IMPG1: variants seen among roughly 807,000 people sequenced by gnomAD.
IMPG1 encodes the protein interphotoreceptor matrix proteoglycan 1.
IMPG1 carries 85 observed loss-of-function variants against 92.0 expected under a neutral mutation model. The ratio of observed to expected loss-of-function variants is 0.92; its 90% CI spans 0.78 to 1.11. The LOEUF is 1.11. Among genes scored for constraint, IMPG1 ranks in the 50% least tolerant of loss-of-function variants. IMPG1 has a pLI of 0.00. For synonymous variants in IMPG1, 367 were observed against 334.1 expected (o/e 1.10, Z -1.08); for missense variants, 1,022 against 956.0 (o/e 1.07, Z -0.91).
chr6:75,934,492 C>G (rs536043082), intron 14 of IMPG1, among the ~76,000 whole-genome samples: 3 of 152,256 alleles, frequency 2.0e-5, no homozygotes, highest in Admixed American at 6.5e-5. Context: ...AAGTTTGTTT[C>G]CCAGCTCTCC....
At chr6:75,938,836 CAAAACAAAACAAAAA>C (rs1369166970) in intron 14 of IMPG1, among the ~76,000 whole-genome samples, 3 of 150,810 alleles carry the variant, frequency 2.0e-5, no homozygotes, top group African/African-American at 7.4e-5. Context: ...CAAAACAAAA[CAAAACAAAACAAAAA>C]AATACTATAC....
chr6:75,938,855 A>G (rs1297595698), intron 14 of IMPG1, among the ~76,000 whole-genome samples: 2 of 152,186 alleles, frequency 1.3e-5, no homozygotes, highest in Non-Finnish European at 2.9e-5. Flanking sequence ...ACAAAAAAAT[A>G]CTATACTGAC....
At chr6:75,969,490 C>T (rs1387325355) in intron 12 of IMPG1, among the ~76,000 whole-genome samples, 1 of 152,018 alleles carries the variant, frequency 6.6e-6, no homozygotes, top group East Asian at 1.9e-4. Context: ...GCCTGTAATC[C>T]TAGCACTTTG....
rs114825174 is a variant in IMPG1 at position 76,064,070 on chromosome 6, G to C, written c.67+8352C>G. On this transcript the variant is annotated intron_variant, in intron 1 of 16. Transcript: ENST00000369950. Reference sequence around the variant, plus strand: ...TACTCATCTCCCTACCCCACCCACTGTTGTGGATACAGTTGTGGATACAGG... The same window carrying C: ...TACTCATCTCCCTACCCCACCCACTCTTGTGGATACAGTTGTGGATACAGG... Among the ~76,000 whole-genome samples the C allele has an allele frequency of 3.4e-3, 513 of 152,250 alleles. 3 individuals carry two copies. The highest frequency in any genetic ancestry group is 0.012 in the African/African-American group (491 of 41,580).
At chr6:76,037,739 T>A (rs1369411449) in intron 2 of IMPG1, among the ~76,000 whole-genome samples, 2 of 152,240 alleles carry the variant, frequency 1.3e-5, no homozygotes, top group Non-Finnish European at 2.9e-5. Flanking sequence ...AAAACCAGTA[T>A]AAGTGTCAGA....
At position 76,034,781 on chromosome 6, in the gene IMPG1, T is replaced by A. The variant is rs1783709305; in HGVS notation, c.308A>T (p.Gln103Leu). 3.1e-6 allele frequency: 5 copies of A among 1,613,974 alleles called. No homozygotes were observed. The highest frequency in any genetic ancestry group is 4.2e-6 in the Non-Finnish European group (5 of 1,179,914). ...LQAYYRLRVC[Q>L]EAVWEAYRIF... ...CCGATATGCTTCCCATACTGCTTCCTGACACACTGTAATACAGAGTCATTA... is the reference window on the plus strand; with the variant it reads ...CCGATATGCTTCCCATACTGCTTCCAGACACACTGTAATACAGAGTCATTA... Residue 103 changes from glutamine (Q) to leucine (L), a missense_variant, in exon 3 of 17, where the codon CAG becomes CTG. By Grantham distance (113) the Gln-to-Leu change is moderately radical (BLOSUM62 -2). Around this residue, in one of 3 missense-constraint regions of IMPG1, gnomAD observed 681 missense variants for 583.6 expected, o/e 1.17. Transcript: ENST00000369950.
Position 75,973,292 on chromosome 6 carries a change from T to TCC in IMPG1, c.1292-22200_1292-22199dup, listed in dbSNP as rs60771106. Among the ~76,000 whole-genome samples the TCC allele has an allele frequency of 6.4e-4, 96 of 151,020 alleles. 1 individual carries two copies. Among genetic ancestry groups the TCC allele is most frequent in the East Asian group, 2.1e-3 (11 of 5,118 alleles). On this transcript the variant is annotated intron_variant, in intron 12 of 16. Coordinates refer to ENST00000369950, the MANE Select transcript of IMPG1 (RefSeq NM_001563.4). ...ACTGTGCCTGGCTGCAATCCTACTT[T>TCC]CCCCCCCGCCCAAAACTGATCTTTC...
chr6:75,995,657 T>C (rs959720798), intron 12 of IMPG1, among the ~76,000 whole-genome samples: 5 of 152,274 alleles, frequency 3.3e-5, no homozygotes, highest in Non-Finnish European at 5.9e-5. Flanking sequence ...ACATATCCTC[T>C]GTATCAGCAA....
chr6:76,059,693 C>T (rs1232733832), intron 1 of IMPG1, among the ~76,000 whole-genome samples: 1 of 152,082 alleles, frequency 6.6e-6, no homozygotes, highest in Non-Finnish European at 1.5e-5. Flanking sequence ...TGGTTCTAAC[C>T]CTCTCACCTC....
chr6:76,001,936 T>A (rs1782997229), intron 12 of IMPG1, among the ~76,000 whole-genome samples: 1 of 152,246 alleles, frequency 6.6e-6, no homozygotes, highest in African/African-American at 2.4e-5. Context: ...TATGTATTCC[T>A]GAAATACCTT....
chr6:76,034,841 C>T lies in IMPG1; in HGVS notation c.302-54G>A, dbSNP rs540652577. ...CCCTAAGAGGGTCCCCGTACCCAAT[C>T]CCAAGCAAAGTCTAATAACATGGAA... On this transcript the variant is annotated intron_variant, in intron 2 of 16. Coordinates refer to ENST00000369950, the MANE Select transcript of IMPG1 (RefSeq NM_001563.4). 221 of 1,476,130 alleles carry T rather than the reference C, an allele frequency of 1.5e-4. 5 individuals carry two copies. The South Asian group carries it at 2.7e-3, about 18-fold the overall frequency. The allele number at this position is 1,476,130 out of a possible 1,614,324, so 91.4% of individuals were successfully genotyped here.
intron 12 of IMPG1, among the ~76,000 whole-genome samples, chr6:75,961,358 C>T (rs1167939548): frequency 6.6e-6 from 1 of 152,134 alleles, no homozygotes; most frequent in East Asian, 1.9e-4. Flanking sequence ...AAGTTATTAT[C>T]TTCCTTTTTG....
intron 12 of IMPG1, among the ~76,000 whole-genome samples, chr6:75,974,327 TTCCCTTTCTTTC>T (rs1782473407): frequency 6.8e-6 from 1 of 146,168 alleles, no homozygotes; most frequent in African/African-American, 2.5e-5. Flanking sequence ...CCCTCTTTCT[TTCCCTTTCTTTC>T]TTTCTTTCTT....
At chr6:75,995,941 C>G (rs1356943351) in intron 12 of IMPG1, among the ~76,000 whole-genome samples, 1 of 152,226 alleles carries the variant, frequency 6.6e-6, no homozygotes, top group Non-Finnish European at 1.5e-5. Context: ...GCCTTGTTCA[C>G]CAACTTATCC....
chr6:75,956,003 C>T (rs751033241), intron 12 of IMPG1, among the ~76,000 whole-genome samples: 64 of 152,056 alleles, frequency 4.2e-4, no homozygotes, highest in Non-Finnish European at 5.0e-4. Context: ...TCAGTTTGTC[C>T]GGATTTTATT....
chr6:76,027,430 CATT>C (rs1783561425), intron 4 of IMPG1, among the ~76,000 whole-genome samples: 1 of 152,146 alleles, frequency 6.6e-6, no homozygotes, highest in South Asian at 2.1e-4. Context: ...TAGGAGTTAA[CATT>C]ATACCATGTA....
At chr6:75,974,329 C>CTT (rs1562354302) in intron 12 of IMPG1, among the ~76,000 whole-genome samples, 7 of 122,726 alleles carry the variant, frequency 5.7e-5, no homozygotes, top group East Asian at 2.3e-4. Flanking sequence ...CTCTTTCTTT[C>CTT]CCTTTCTTTC....
chr6:75,995,824 T>C (rs1187283469), intron 12 of IMPG1, among the ~76,000 whole-genome samples: 1 of 152,240 alleles, frequency 6.6e-6, no homozygotes, highest in East Asian at 1.9e-4. Flanking sequence ...TCCATTGCCT[T>C]ACTGAATTTA....
chr6:75,987,108 A>G (rs1229417892), intron 12 of IMPG1, among the ~76,000 whole-genome samples: 2 of 152,146 alleles, frequency 1.3e-5, no homozygotes, highest in African/African-American at 4.8e-5. Context: ...GTATTGCAGT[A>G]CTAGTTTCCT....
Sources: allele counts gnomAD v4.1 joint callset (sites outside exome capture counted in the v4.1 genomes callset), GRCh38; gene constraint gnomAD v4.1.1; regional missense constraint gnomAD v4.1.1; transcripts MANE v1.5; gene names NCBI Gene and HGNC (gene_info 2026-07-23, HGNC 2026-07-21).